GMDS: variants seen among roughly 807,000 people sequenced by gnomAD.
The protein encoded by GMDS is GDP-mannose 4,6-dehydratase.
GMDS carries 20 observed loss-of-function variants against 49.9 expected under a neutral mutation model. The ratio of observed to expected loss-of-function variants is 0.40; its 90% CI spans 0.28 to 0.58. The LOEUF is 0.58. Among genes scored for constraint, GMDS ranks in the 20% least tolerant of loss-of-function variants. The pLI is 0.42. For synonymous variants in GMDS, 177 were observed against 178.6 expected, an observed-to-expected ratio of 0.99 and a Z score of 0.07; for missense variants, 362 against 481.4, an observed-to-expected ratio of 0.75 and a Z score of 2.32.
chr6:1,755,389 G>A (rs1767903042), intron 7 of GMDS, among the ~76,000 whole-genome samples: 1 of 152,090 alleles, frequency 6.6e-6, no homozygotes, highest in Non-Finnish European at 1.5e-5. Flanking sequence ...ACAAAGAAAT[G>A]GAAAAACTTT....
At position 2,004,983 on chromosome 6, in the gene GMDS, G is replaced by A. The variant is rs149497813; in HGVS notation, c.346-44017C>T. Among the ~76,000 whole-genome samples the A allele has an allele frequency of 3.9e-5, 6 of 152,276 alleles. No homozygotes were observed. In the East Asian group the frequency reaches 1.2e-3, roughly 29 times the overall value. The stretch of plus-strand genomic sequence containing the variant: ...ATCCACAGATTTAATAACCAGATAA[G>A]GGTGATTTGCAATGAGTATATAGAC... On this transcript the variant is annotated intron_variant, in intron 4 of 10. Transcript: ENST00000380815.
intron 1 of GMDS, among the ~76,000 whole-genome samples, chr6:2,149,124 G>A (rs1337948824): frequency 6.6e-6 from 1 of 151,918 alleles, no homozygotes; most frequent in Admixed American, 6.6e-5. Context: ...CATTTCTTCT[G>A]CTTGCTCAAA....
intron 1 of GMDS, among the ~76,000 whole-genome samples, chr6:2,125,580 G>A (rs1775385107): frequency 2.0e-5 from 3 of 152,092 alleles, no homozygotes; most frequent in Non-Finnish European, 4.4e-5. Context: ...GGTGGCAGAG[G>A]GAGACATTGT....
chr6:2,113,646 G>A (rs568913209), intron 4 of GMDS, among the ~76,000 whole-genome samples: 20 of 151,918 alleles, frequency 1.3e-4, no homozygotes, highest in African/African-American at 2.7e-4. Context: ...TGTCGGTTCC[G>A]CCTCGCACTA....
chr6:1,759,610 C>CTAGA (rs1433195266), intron 7 of GMDS, among the ~76,000 whole-genome samples: 1 of 152,154 alleles, frequency 6.6e-6, no homozygotes. Context: ...GGGCACTGTG[C>CTAGA]TAGAGTCTGG....
chr6:1,758,852 C>G (rs1397672479), intron 7 of GMDS, among the ~76,000 whole-genome samples: 1 of 152,182 alleles, frequency 6.6e-6, no homozygotes, highest in African/African-American at 2.4e-5. Context: ...AGGTGGATCA[C>G]CCGAGGTCAG....
intron 9 of GMDS, among the ~76,000 whole-genome samples, chr6:1,698,599 C>T (rs918560864): frequency 2.6e-5 from 4 of 152,112 alleles, no homozygotes; most frequent in African/African-American, 9.7e-5. Flanking sequence ...GAGTCAGGAC[C>T]GCTGCTTTAA....
intron 7 of GMDS, among the ~76,000 whole-genome samples, chr6:1,913,589 C>T (rs1009357117): frequency 6.6e-6 from 1 of 152,062 alleles, no homozygotes; most frequent in African/African-American, 2.4e-5. Flanking sequence ...GAAAAAAAGG[C>T]TATGTCAAAA....
At chr6:1,804,367 G>T (rs571944703) in intron 7 of GMDS, among the ~76,000 whole-genome samples, 1 of 152,256 alleles carries the variant, frequency 6.6e-6, no homozygotes, top group Admixed American at 6.5e-5. Flanking sequence ...GCTGGCCAGC[G>T]GGCAGATGCC....
intron 7 of GMDS, among the ~76,000 whole-genome samples, chr6:1,823,549 T>C (rs1026224406): frequency 3.9e-5 from 6 of 152,176 alleles, no homozygotes; most frequent in African/African-American, 9.7e-5. Context: ...TCCTCCTGCA[T>C]GTGTCCTGAG....
At chr6:1,911,188 C>T (rs1359699082) in intron 7 of GMDS, among the ~76,000 whole-genome samples, 1 of 152,152 alleles carries the variant, frequency 6.6e-6, no homozygotes, top group Non-Finnish European at 1.5e-5. Flanking sequence ...CATACTGATC[C>T]GCGTAACCAG....
intron 7 of GMDS, among the ~76,000 whole-genome samples, chr6:1,806,875 G>A (rs914021022): frequency 1.1e-4 from 17 of 152,054 alleles, no homozygotes; most frequent in Admixed American, 1.0e-3. Flanking sequence ...ATCAGGTTTA[G>A]GATAAAGAAA....
At chr6:2,058,172 A>G (rs1770888456) in intron 4 of GMDS, among the ~76,000 whole-genome samples, 2 of 152,136 alleles carry the variant, frequency 1.3e-5, no homozygotes, top group South Asian at 4.2e-4. Flanking sequence ...ATTCTGGCCA[A>G]CATGATGAAA....
intron 7 of GMDS, among the ~76,000 whole-genome samples, chr6:1,789,581 G>A (rs1441990596): frequency 1.3e-5 from 2 of 148,614 alleles, no homozygotes; most frequent in East Asian, 3.9e-4. Context: ...TGTTACCCAG[G>A]CTGGAGCACA....
intron 4 of GMDS, among the ~76,000 whole-genome samples, chr6:2,079,044 T>C (rs1392495894): frequency 1.4e-5 from 2 of 144,342 alleles, no homozygotes; most frequent in African/African-American, 5.5e-5. Flanking sequence ...TTTTTTTTTT[T>C]TACTGTGTTT....
At chr6:1,781,629 T>C (rs973047299) in intron 7 of GMDS, among the ~76,000 whole-genome samples, 35 of 114,710 alleles carry the variant, frequency 3.1e-4, no homozygotes, top group African/African-American at 1.3e-3. Context: ...TGATGGCTCT[T>C]CCACACATGG....
chr6:2,046,664 G>C lies in GMDS; in HGVS notation c.345+69107C>G, dbSNP rs563552410. 2.6e-5 allele frequency among the ~76,000 whole-genome samples: 4 copies of C among 152,118 alleles called. No individual in the cohort carries two copies. The East Asian group carries it at 7.7e-4, about 29-fold the overall frequency. On this transcript the variant is annotated intron_variant, in intron 4 of 10. Transcript: ENST00000380815. ...TTTTGTGGAGATGAGGTTTTGTCAC[G>C]TTGCCCAGACTGATCTCAAACTGCT... is the stretch of plus-strand genomic sequence containing the variant.
chr6:2,130,909 T>C (rs1227294044), intron 1 of GMDS, among the ~76,000 whole-genome samples: 5 of 151,948 alleles, frequency 3.3e-5, no homozygotes, highest in African/African-American at 1.2e-4. Context: ...CACTACAGAG[T>C]TTTTGGTGTT....
chr6:1,985,195 G>A (rs1206946142), intron 4 of GMDS, among the ~76,000 whole-genome samples: 1 of 152,154 alleles, frequency 6.6e-6, no homozygotes, highest in Non-Finnish European at 1.5e-5. Flanking sequence ...ATGCCTGCTG[G>A]CTTTTCCACT....
Sources: allele counts gnomAD v4.1 joint callset (sites outside exome capture counted in the v4.1 genomes callset), GRCh38; gene constraint gnomAD v4.1.1; transcripts MANE v1.5; gene names NCBI Gene and HGNC (gene_info 2026-07-23, HGNC 2026-07-21).